COL4A6: variants seen among roughly 807,000 people sequenced by gnomAD.
COL4A6 encodes collagen alpha-6(IV) chain.
Under a neutral mutation model 126.7 loss-of-function variants are expected in COL4A6, and 59 were observed. The ratio of observed to expected loss-of-function variants is 0.47; its 90% confidence interval spans 0.38 to 0.58. The LOEUF is 0.58. COL4A6 is among the 20% of genes least tolerant of loss of function. The pLI is 0.00. For synonymous variants in COL4A6, 547 were observed against 496.6 expected, an observed-to-expected ratio of 1.10 and a Z score of -1.35; for missense variants, 1,285 against 1,337.3, an observed-to-expected ratio of 0.96 and a Z score of 0.61.
intron 2 of COL4A6, among the ~76,000 whole-genome samples, chrX:108,423,708 C>A (rs1457450713): frequency 2.7e-5 from 3 of 111,838 alleles, no homozygotes. Context: ...GATCAAAGGT[C>A]TTTTGCTCAT....
At chrX:108,204,216 A>G in intron 12 of COL4A6, 104 bp downstream of exon 12, 1 of 594,804 alleles carries the variant, frequency 1.7e-6, no homozygotes, top group East Asian at 3.8e-5. Flanking sequence ...ATTACCCAGA[A>G]CCCTCTATTC....
chrX:108,377,941 CAAAAAAAAAAAAAA>C (rs745969449), intron 2 of COL4A6, among the ~76,000 whole-genome samples: 5 of 7,233 alleles, frequency 6.9e-4, no homozygotes, highest in Non-Finnish European at 1.2e-3. Flanking sequence ...GACTCCGTCT[CAAAAAAAAAAAAAA>C]AAAAAAAAAA....
intron 31 of COL4A6, 100 bp from the exon 32 acceptor site, chrX:108,172,632 C>T: frequency 1.6e-6 from 1 of 638,405 alleles, no homozygotes; most frequent in Non-Finnish European, 2.4e-6. Context: ...GAGAGATGTC[C>T]ATCATGTATT....
intron 44 of COL4A6, 152 bp from the exon 45 acceptor site, chrX:108,157,412 A>C: frequency 1.1e-6 from 1 of 876,212 alleles, no homozygotes; most frequent in Non-Finnish European, 1.5e-6. Flanking sequence ...GCATACCAAG[A>C]GCTGTGTTTT....
intron 3 of COL4A6, among the ~76,000 whole-genome samples, chrX:108,229,602 A>G (rs1254935469): frequency 8.9e-6 from 1 of 112,659 alleles, no homozygotes; most frequent in Non-Finnish European, 1.9e-5. Context: ...GTTGTAAATC[A>G]TTTAGCATTG....
chrX:108,232,466 G>A (rs2036334515), intron 3 of COL4A6, among the ~76,000 whole-genome samples: 1 of 112,010 alleles, frequency 8.9e-6, no homozygotes, highest in Non-Finnish European at 1.9e-5. Flanking sequence ...AGTGTGTACC[G>A]AGTTTCCAGA....
chrX:108,160,491 C>T lies in COL4A6; in HGVS notation c.4497G>A (p.Gly1499=). ...GGTCCTGGTTGTGGGCTTTCTCTTG[C>T]CCCTCCACAAACAGTAAGCTGTACC... ...WVGYSLLFVE[G]QEKAHNQDLG... The change falls in exon 43 of 45, where the codon GGG becomes GGA. Residue 1499 remains glycine (G), a synonymous_variant. Transcript: ENST00000334504. 1 of 1,205,784 alleles carries T rather than the reference C, an allele frequency of 8.3e-7. No homozygotes were observed. Among genetic ancestry groups the T allele is most frequent in the Non-Finnish European group, 1.1e-6 (1 of 892,627 alleles).
At chrX:108,180,753 C>T in intron 24 of COL4A6, 131 bp from the exon 25 acceptor site, 1 of 791,264 alleles carries the variant, frequency 1.3e-6, no homozygotes, top group African/African-American at 2.1e-5. Context: ...CTGCCCTCTC[C>T]AGCAGCCATC....
At chrX:108,192,638 C>T in intron 17 of COL4A6, 58 bp from the exon 18 acceptor site, 1 of 832,419 alleles carries the variant, frequency 1.2e-6, no homozygotes, top group Non-Finnish European at 1.7e-6. Flanking sequence ...ACAGATGCTA[C>T]AAAATGCCCA....
chrX:108,187,200 C>A lies in COL4A6; in HGVS notation c.1847G>T (p.Gly616Val). ...TCCTGGTAACCCATTTCCTGGGAGGCCAGGTGGACCAGGATGGCCTTTTTC... is the reference window on the plus strand; with the variant it reads ...TCCTGGTAACCCATTTCCTGGGAGGACAGGTGGACCAGGATGGCCTTTTTC... ...PGEKGHPGPP[G>V]LPGNGLPGLP... Residue 616 changes from glycine (G) to valine (V), a missense_variant, in exon 23 of 45, where the codon GGC (glycine) becomes GTC (valine). By Grantham distance (109) the Gly-to-Val change is moderately radical. Coordinates refer to ENST00000334504, the MANE Select transcript of COL4A6 (RefSeq NM_033641.4). 3.3e-6 allele frequency: 4 copies of A among 1,195,982 alleles called. No homozygotes were observed. Among genetic ancestry groups the A allele is most frequent in the Non-Finnish European group, 3.4e-6 (3 of 885,893 alleles).
At chrX:108,257,139 G>A (rs1356521667) in intron 3 of COL4A6, among the ~76,000 whole-genome samples, 1 of 112,033 alleles carries the variant, frequency 8.9e-6, no homozygotes, top group Non-Finnish European at 1.9e-5. Context: ...ATAGCTTTTA[G>A]TGATGGTAGA....
At chrX:108,186,972 G>T in intron 23 of COL4A6, 124 bp downstream of exon 23, 1 of 539,680 alleles carries the variant, frequency 1.9e-6, no homozygotes, top group Non-Finnish European at 2.8e-6. Context: ...TCCTTCAGGG[G>T]GTTGAAAGTA....
chrX:108,159,382 C>T, intron 44 of COL4A6, 80 bp downstream of exon 44: 1 of 1,061,651 alleles, frequency 9.4e-7, no homozygotes, highest in Non-Finnish European at 1.3e-6. Context: ...ATGCTTTCTA[C>T]CTGGTGTCCC....
chrX:108,340,393 C>T (rs2039531209), intron 2 of COL4A6, among the ~76,000 whole-genome samples: 1 of 111,313 alleles, frequency 9.0e-6, no homozygotes, highest in South Asian at 3.8e-4. Flanking sequence ...AGTACAGACC[C>T]AGTGTATATA....
intron 2 of COL4A6, among the ~76,000 whole-genome samples, chrX:108,345,347 T>C (rs763002856): frequency 9.0e-6 from 1 of 111,586 alleles, no homozygotes; most frequent in South Asian, 3.7e-4. Context: ...ATAATTTCAG[T>C]TTATCTAAAT....
At chrX:108,342,325 T>C (rs1050236522) in intron 2 of COL4A6, among the ~76,000 whole-genome samples, 1 of 112,319 alleles carries the variant, frequency 8.9e-6, no homozygotes, top group East Asian at 2.8e-4. Context: ...AATTATCTTT[T>C]CTTATGCTAA....
chrX:108,438,892 A>T (rs1429468202), upstream of COL4A6, among the ~76,000 whole-genome samples: 2 of 112,755 alleles, frequency 1.8e-5, no homozygotes, highest in African/African-American at 3.2e-5. Context: ...TTCTAGGAAG[A>T]TAGAAATGTT....
At chrX:108,384,037 ATT>A (rs375885958) in intron 2 of COL4A6, 5 of 586,436 alleles carry the variant, frequency 8.5e-6, no homozygotes, top group African/African-American at 7.1e-5. Context: ...ATATTTACAT[ATT>A]GATTTACCTG....
chrX:108,424,879 G>A lies in COL4A6; in HGVS notation c.63+13063C>T, dbSNP rs566770916. 1.2e-4 allele frequency among the ~76,000 whole-genome samples: 13 copies of A among 109,900 alleles called. 1 individual carries two copies. The South Asian group carries it at 4.8e-3, about 40-fold the overall frequency. On this transcript the variant is annotated intron_variant, in intron 2 of 44. Coordinates refer to ENST00000334504, the MANE Select transcript of COL4A6 (RefSeq NM_033641.4). ...ATACAAAAATTAGCTGGGCATGGGG[G>A]ACCACACCTGTAGTCCCAGCCACTC...
Sources: gnomAD v4.1 joint callset for allele counts (sites outside exome capture counted in the v4.1 genomes callset) on GRCh38, gnomAD v4.1.1 for gene constraint, MANE v1.5 for transcripts, NCBI Gene and HGNC (gene_info 2026-07-23, HGNC 2026-07-21) for gene names.